The following GRIA4 variants were observed in gnomAD, a reference collection of about 807,000 sequenced individuals.
GRIA4 encodes the protein glutamate receptor 4.
GRIA4 carries 34 observed loss-of-function variants against 104.0 expected under a neutral mutation model. The ratio of observed to expected loss-of-function variants is 0.33; its 90% confidence interval spans 0.25 to 0.44. GRIA4 has a LOEUF of 0.44. Among genes scored for constraint, GRIA4 ranks in the 20% least tolerant of loss-of-function variants. The pLI is 1.00. For synonymous variants in GRIA4, 386 were observed against 381.9 expected, an observed-to-expected ratio of 1.01 and a Z score of -0.13; for missense variants, 750 against 1,096.5, an observed-to-expected ratio of 0.68 and a Z score of 4.46.
chr11:105,905,249 G>C lies in GRIA4; in HGVS notation c.1106G>C (p.Arg369Thr). Reference sequence around the variant, plus strand: ...GTTCAGTTTGACCACTATGGACGTAGAGTCAATTACACAATGGATGTGTTT... The same window carrying C: ...GTTCAGTTTGACCACTATGGACGTACAGTCAATTACACAATGGATGTGTTT... ...GNVQFDHYGR[R>T]VNYTMDVFEL... is the part of the protein sequence containing the mutation. Residue 369 changes from arginine to threonine, a missense_variant, in exon 9 of 17, where the codon AGA becomes ACA. By Grantham distance (71) the Arg-to-Thr change is moderately conservative. Transcript: ENST00000282499. 4 of 1,610,760 alleles carry C rather than the reference G, an allele frequency of 2.5e-6. No individual in the cohort carries two copies. Among genetic ancestry groups the C allele is most frequent in the Non-Finnish European group, 3.4e-6 (4 of 1,177,016 alleles).
At chr11:105,663,644 CA>C (rs2135417698) in intron 3 of GRIA4, among the ~76,000 whole-genome samples, 1 of 151,742 alleles carries the variant, frequency 6.6e-6, no homozygotes, top group Non-Finnish European at 1.5e-5. Context: ...TGGATGACAC[CA>C]GGGAGAAAGG....
At chr11:105,974,572 C>A in intron 16 of GRIA4, 128 bp downstream of exon 16, 2 of 1,608,062 alleles carry the variant, frequency 1.2e-6, no homozygotes, top group Non-Finnish European at 1.7e-6. Context: ...GACTTAGGCC[C>A]GACTACAGTG....
intron 4 of GRIA4, among the ~76,000 whole-genome samples, chr11:105,775,940 T>TA (rs967160952): frequency 2.6e-5 from 4 of 151,670 alleles, no homozygotes; most frequent in Admixed American, 2.0e-4. Context: ...ATTTTGTTGT[T>TA]AAAAAAAATC....
At chr11:105,958,248 T>C (rs1238963805) in intron 14 of GRIA4, among the ~76,000 whole-genome samples, 1 of 152,182 alleles carries the variant, frequency 6.6e-6, no homozygotes, top group East Asian at 1.9e-4. Flanking sequence ...GGCTGTGAGT[T>C]TGTCATAAAT....
At chr11:105,660,952 G>C (rs1191973684) in intron 3 of GRIA4, among the ~76,000 whole-genome samples, 1 of 151,542 alleles carries the variant, frequency 6.6e-6, no homozygotes, top group African/African-American at 2.4e-5. Context: ...AGAAGACCTA[G>C]CTACAATTTC....
At chr11:105,719,450 C>A (rs1954219189) in intron 3 of GRIA4, among the ~76,000 whole-genome samples, 1 of 152,056 alleles carries the variant, frequency 6.6e-6, no homozygotes, top group Non-Finnish European at 1.5e-5. Flanking sequence ...ATATTAGAAA[C>A]AGGTCATTGG....
intron 5 of GRIA4, among the ~76,000 whole-genome samples, chr11:105,868,597 G>A (rs919322881): frequency 6.6e-6 from 1 of 152,122 alleles, no homozygotes; most frequent in African/African-American, 2.4e-5. Flanking sequence ...TTACCTGGGA[G>A]GCTTTCTTGT....
chr11:105,930,406 C>T (rs1405497801), intron 13 of GRIA4, among the ~76,000 whole-genome samples: 1 of 151,740 alleles, frequency 6.6e-6, no homozygotes, highest in African/African-American at 2.4e-5. Context: ...TTCTAGTGTA[C>T]TAAACCCTCT....
chr11:105,720,311 A>C (rs1937704272), intron 3 of GRIA4, among the ~76,000 whole-genome samples: 3 of 152,032 alleles, frequency 2.0e-5, no homozygotes, highest in African/African-American at 4.8e-5. Flanking sequence ...ACAGCCAAGC[A>C]GTTTGCAGCC....
chr11:105,708,112 G>T (rs1350616055), intron 3 of GRIA4, among the ~76,000 whole-genome samples: 1 of 152,086 alleles, frequency 6.6e-6, no homozygotes, highest in Admixed American at 6.6e-5. Context: ...ACATAATAAT[G>T]ATTTGATGCC....
intron 6 of GRIA4, among the ~76,000 whole-genome samples, chr11:105,897,427 A>G (rs1946689613): frequency 6.6e-6 from 1 of 151,900 alleles, no homozygotes; most frequent in African/African-American, 2.4e-5. Flanking sequence ...TTTTCTGGCT[A>G]GGATTGGAGG....
At position 105,611,081 on chromosome 11, in the gene GRIA4, A is replaced by G; in HGVS notation, c.84A>G (p.Gln28=). Residue 28 remains glutamine (Q), a synonymous_variant, in exon 2 of 17, where the codon CAA becomes CAG. Coordinates refer to ENST00000282499, the MANE Select transcript of GRIA4 (RefSeq NM_000829.4). ...LAMGAFPSSV[Q]IGGLFIRNTD... is the part of the protein sequence containing the mutation. ...TGGGAGCCTTTCCGAGCAGCGTGCA[A>G]ATAGGTAAGGTGTGCTCCGATGGGG... 6.2e-7 allele frequency: 1 copy of G among 1,610,688 alleles called. No homozygotes were observed. Among genetic ancestry groups the G allele is most frequent in the Non-Finnish European group, 8.5e-7 (1 of 1,177,042 alleles).
chr11:105,911,592 CAG>C (rs1947236378), intron 10 of GRIA4, among the ~76,000 whole-genome samples: 1 of 150,864 alleles, frequency 6.6e-6, no homozygotes, highest in Non-Finnish European at 1.5e-5. Context: ...ATGAAAATGC[CAG>C]AGAGAAGCCT....
At chr11:105,977,800 C>T (rs143047068) in intron 16 of GRIA4, among the ~76,000 whole-genome samples, 1 of 152,020 alleles carries the variant, frequency 6.6e-6, no homozygotes, top group Non-Finnish European at 1.5e-5. Flanking sequence ...AAAACATTCA[C>T]CTCCAATAAC....
intron 14 of GRIA4, among the ~76,000 whole-genome samples, chr11:105,963,812 T>C (rs1948797530): frequency 6.6e-6 from 1 of 152,166 alleles, no homozygotes; most frequent in Admixed American, 6.5e-5. Flanking sequence ...TAGTTTTCTA[T>C]TGTGCTGTGA....
At chr11:105,925,952 C>T in intron 12 of GRIA4, among the ~76,000 whole-genome samples, 1 of 151,994 alleles carries the variant, frequency 6.6e-6, no homozygotes, top group Non-Finnish European at 1.5e-5. Flanking sequence ...TTTTTACTCA[C>T]CCCCTTCTCA....
chr11:105,723,970 T>G (rs1938011229), intron 3 of GRIA4, among the ~76,000 whole-genome samples: 1 of 152,272 alleles, frequency 6.6e-6, no homozygotes, highest in East Asian at 1.9e-4. Flanking sequence ...AAATATCATC[T>G]GACACCAGTC....
At chr11:105,960,842 C>T (rs1326384965) in intron 14 of GRIA4, among the ~76,000 whole-genome samples, 2 of 152,214 alleles carry the variant, frequency 1.3e-5, no homozygotes, top group African/African-American at 4.8e-5. Context: ...AGCGTACTCA[C>T]TCACCGCCTC....
At chr11:105,849,464 T>G (rs760930424) in intron 4 of GRIA4, among the ~76,000 whole-genome samples, 1 of 152,162 alleles carries the variant, frequency 6.6e-6, no homozygotes, top group Admixed American at 6.5e-5. Context: ...TCTACAGATC[T>G]GGAATATATA....
Sources: gnomAD v4.1 joint callset for allele counts (sites outside exome capture counted in the v4.1 genomes callset) on GRCh38, gnomAD v4.1.1 for gene constraint, MANE v1.5 for transcripts, NCBI Gene and HGNC (gene_info 2026-07-23, HGNC 2026-07-21) for gene names.